Variants in PIBF1 observed in about 807,000 individuals in gnomAD.
PIBF1 encodes the protein progesterone immunomodulatory binding factor 1.
In PIBF1, 90 loss-of-function variants were observed where a neutral mutation model predicts 112.5. That is an observed-to-expected ratio of 0.80 (90% confidence interval 0.67 to 0.95). The LOEUF (loss-of-function observed/expected upper bound fraction) is 0.95, where lower values mean the gene tolerates loss of function less well. Among genes scored for constraint, PIBF1 ranks in the 40% least tolerant of loss-of-function variants. The pLI, the probability that PIBF1 is intolerant of heterozygous loss-of-function variation, is 0.00. For synonymous variants in PIBF1, 301 were observed against 288.6 expected (o/e 1.04, Z -0.44); for missense variants, 915 against 852.3 (o/e 1.07, Z -0.92).
chr13:72,828,170 C>T lies in PIBF1; in HGVS notation c.1097+256C>T, dbSNP rs556148596. Among the ~76,000 whole-genome samples, 5 of 150,818 alleles carry T rather than the reference C, an allele frequency of 3.3e-5. No homozygotes were observed. In the South Asian group the frequency reaches 6.3e-4, roughly 19 times the overall value. On this transcript the variant is annotated intron_variant, in intron 8 of 17. Transcript: ENST00000326291. Reference sequence around the variant, plus strand: ...AAACTTTGTCATTTGGTTTTAGGTACGTTTCTTGAATACAGTAATGAGCTG... The same window carrying T: ...AAACTTTGTCATTTGGTTTTAGGTATGTTTCTTGAATACAGTAATGAGCTG...
chr13:72,832,208 G>A (rs1372465925), intron 8 of PIBF1, among the ~76,000 whole-genome samples: 3 of 149,110 alleles, frequency 2.0e-5, no homozygotes. Context: ...CATGGGTCTT[G>A]ACTCTTCATC....
At chr13:72,876,369 G>A (rs1045463235) in intron 10 of PIBF1, among the ~76,000 whole-genome samples, 1 of 151,844 alleles carries the variant, frequency 6.6e-6, no homozygotes, top group African/African-American at 2.4e-5. Context: ...GATAGTGTCA[G>A]TCTGCTAGTT....
chr13:72,907,035 C>T (rs2040726870), intron 11 of PIBF1, among the ~76,000 whole-genome samples: 1 of 152,022 alleles, frequency 6.6e-6, no homozygotes, highest in South Asian at 2.1e-4. Flanking sequence ...AAAACACATT[C>T]CCAACAAGCA....
At chr13:72,834,491 A>G (rs1210939708) in intron 8 of PIBF1, among the ~76,000 whole-genome samples, 1 of 152,130 alleles carries the variant, frequency 6.6e-6, no homozygotes, top group Non-Finnish European at 1.5e-5. Flanking sequence ...GCAAGGCACA[A>G]TGTCAAGCAC....
chr13:72,833,928 CT>C (rs1325926256), intron 8 of PIBF1, among the ~76,000 whole-genome samples: 1 of 152,138 alleles, frequency 6.6e-6, no homozygotes, highest in African/African-American at 2.4e-5. Context: ...CACAATATTA[CT>C]TTCTAGTTGG....
rs1405448829 is a variant in PIBF1 at position 72,783,723 on chromosome 13, T to A, written c.252+2T>A. The A allele has an allele frequency of 6.2e-7, 1 of 1,612,608 alleles. No individual in the cohort carries two copies. The highest frequency in any genetic ancestry group is 1.1e-5 in the South Asian group (1 of 91,010). On this transcript the variant is annotated splice_donor_variant, in intron 2 of 17. Coordinates refer to ENST00000326291, the MANE Select transcript of PIBF1 (RefSeq NM_006346.4). LOFTEE classifies it high-confidence loss of function. ...TTGAAAGTGGATTATCTTACAAAGG[T>A]AAGATCAGGTTTAAATTTTGTGTTC...
At chr13:72,803,351 A>T (rs1314069795) in intron 5 of PIBF1, among the ~76,000 whole-genome samples, 1 of 151,962 alleles carries the variant, frequency 6.6e-6, no homozygotes, top group East Asian at 1.9e-4. Flanking sequence ...CGACAACGGT[A>T]GAAGGACATT....
At chr13:73,010,461 G>A (rs2139057307) in intron 17 of PIBF1, among the ~76,000 whole-genome samples, 1 of 152,062 alleles carries the variant, frequency 6.6e-6, no homozygotes, top group African/African-American at 2.4e-5. Context: ...AAATTAGCCA[G>A]GGGTGGTGGT....
chr13:72,837,979 T>G (rs2037435873), intron 9 of PIBF1, among the ~76,000 whole-genome samples: 1 of 152,200 alleles, frequency 6.6e-6, no homozygotes, highest in South Asian at 2.1e-4. Context: ...AAATTTTACT[T>G]CGTCCCAGCC....
intron 13 of PIBF1, among the ~76,000 whole-genome samples, chr13:72,930,912 G>A (rs1043808219): frequency 6.6e-6 from 1 of 152,094 alleles, no homozygotes; most frequent in Non-Finnish European, 1.5e-5. Context: ...TTATAGCAAG[G>A]GCTAAAAACC....
At chr13:73,006,833 T>C (rs992295742) in intron 17 of PIBF1, among the ~76,000 whole-genome samples, 4 of 152,152 alleles carry the variant, frequency 2.6e-5, no homozygotes, top group Non-Finnish European at 5.9e-5. Context: ...CAGTTATTTG[T>C]TTCCAAAATC....
intron 8 of PIBF1, among the ~76,000 whole-genome samples, chr13:72,829,715 T>G (rs2037006254): frequency 6.6e-6 from 1 of 152,176 alleles, no homozygotes; most frequent in African/African-American, 2.4e-5. Flanking sequence ...GGTAGCATGA[T>G]GCCTCCAGCT....
chr13:72,837,158 G>A (rs1322082630), intron 9 of PIBF1, among the ~76,000 whole-genome samples: 2 of 151,912 alleles, frequency 1.3e-5, no homozygotes, highest in Non-Finnish European at 2.9e-5. Context: ...TTAGGCACCA[G>A]CAAATACGTG....
chr13:72,908,657 G>A lies in PIBF1; in HGVS notation c.1615G>A (p.Glu539Lys). Residue 539 changes from glutamate to lysine, a missense_variant, in exon 12 of 18, where the codon GAA (glutamate) becomes AAA (lysine). Glu to Lys is a moderately conservative substitution (Grantham distance 56, BLOSUM62 1). Coordinates refer to ENST00000326291, the MANE Select transcript of PIBF1 (RefSeq NM_006346.4). ...TGAGAAACTGGAAAAAGAGCTTGAT[G>A]AAATAATAATGCAAACTGCAGAAAG... ...IYEKLEKELD[E>K]IIMQTAEIEN... 6.2e-7 allele frequency: 1 copy of A among 1,612,908 alleles called. No individual in the cohort carries two copies. Among genetic ancestry groups the A allele is most frequent in the Non-Finnish European group, 8.5e-7 (1 of 1,179,424 alleles).
intron 10 of PIBF1, among the ~76,000 whole-genome samples, chr13:72,891,314 C>A (rs2040047340): frequency 6.6e-6 from 1 of 152,048 alleles, no homozygotes; most frequent in African/African-American, 2.4e-5. Flanking sequence ...AGATCAATAT[C>A]ACATTCTAAA....
chr13:72,898,321 G>A (rs1322520982), intron 11 of PIBF1, among the ~76,000 whole-genome samples: 1 of 151,998 alleles, frequency 6.6e-6, no homozygotes, highest in Non-Finnish European at 1.5e-5. Flanking sequence ...GCAGTGCCAA[G>A]AGGAAAGTTG....
intron 6 of PIBF1, among the ~76,000 whole-genome samples, chr13:72,825,056 AC>A (rs1289988588): frequency 6.6e-6 from 1 of 152,134 alleles, no homozygotes; most frequent in Admixed American, 6.5e-5. Flanking sequence ...CACAAGGAAA[AC>A]TAAGAAATCT....
At chr13:72,995,305 A>AG (rs2043613770) in intron 16 of PIBF1, among the ~76,000 whole-genome samples, 1 of 151,930 alleles carries the variant, frequency 6.6e-6, no homozygotes, top group Admixed American at 6.6e-5. Context: ...CGTCTCAAAA[A>AG]AAAAAAAAAA....
At chr13:72,975,911 T>A (rs1363259578) in intron 16 of PIBF1, among the ~76,000 whole-genome samples, 1 of 152,164 alleles carries the variant, frequency 6.6e-6, no homozygotes, top group Admixed American at 6.6e-5. Context: ...CCATATCAAC[T>A]ACATTTTTTT....
Sources: allele counts gnomAD v4.1 joint callset (sites outside exome capture counted in the v4.1 genomes callset), GRCh38; gene constraint gnomAD v4.1.1; transcripts MANE v1.5; gene names NCBI Gene and HGNC (gene_info 2026-07-23, HGNC 2026-07-21).